WNT16: variants seen among roughly 807,000 people sequenced by gnomAD.
WNT16 encodes the protein protein Wnt-16.
WNT16 carries 20 observed loss-of-function variants against 35.4 expected under a neutral mutation model. The observed-to-expected ratio is 0.56, with a 90% CI of 0.40 to 0.82. The LOEUF is 0.82. Ranked by LOEUF, WNT16 falls within the 40% of genes least tolerant of loss-of-function variation. The probability of loss-of-function intolerance (pLI) is 0.00; values close to 1 mark genes in which losing one functional copy is unlikely to be tolerated. For missense variants in WNT16, 461 were observed against 466.0 expected (o/e 0.99, Z 0.10); for synonymous variants, 180 against 179.2 (o/e 1.00, Z -0.03).
At position 121,331,847 on chromosome 7, in the gene WNT16, C is replaced by A. The variant is rs1793354565; in HGVS notation, c.516C>A (p.Val172=). 6.2e-7 allele frequency: 1 copy of A among 1,614,026 alleles called. No individual in the cohort carries two copies. The highest frequency in any genetic ancestry group is 1.3e-5 in the African/African-American group (1 of 74,896). The change falls in exon 3 of 4, where the codon GTC becomes GTA. Residue 172 remains valine, a synonymous_variant. Transcript: ENST00000222462. ...GWHWGGCSDD[V]QYGMWFSRKF... ...ACTGGGGGGGCTGCTCCGATGATGT[C>A]CAGTATGGCATGTGGTTCAGCAGAA... is the stretch of plus-strand genomic sequence containing the variant.
At chr7:121,332,246 G>GTT (rs1412594822) in intron 3 of WNT16, among the ~76,000 whole-genome samples, 1 of 151,994 alleles carries the variant, frequency 6.6e-6, no homozygotes, top group African/African-American at 2.4e-5. Context: ...ACGTGTGTGT[G>GTT]TGTGTGTATA....
chr7:121,340,500 T>C lies in WNT16; in HGVS notation c.*1155T>C, dbSNP rs935184504. The C allele has an allele frequency of 2.0e-5, 3 of 152,078 alleles. No individual in the cohort carries two copies. Among genetic ancestry groups the C allele is most frequent in the Non-Finnish European group, 4.4e-5 (3 of 67,946 alleles). The allele number at this position is 152,078 out of a possible 1,614,324, so 9.4% of individuals were successfully genotyped here. On this transcript the variant is annotated 3_prime_UTR_variant, in exon 4 of 4. Transcript: ENST00000222462. ...ATTTCTTGCTAAAATGACAGTTTTA[T>C]ATGTTATAGATTAAAATATGTTGCA...
chr7:121,339,361 T>C lies in WNT16; in HGVS notation c.*16T>C. The C allele has an allele frequency of 6.2e-7, 1 of 1,601,938 alleles. No individual in the cohort carries two copies. The highest frequency in any genetic ancestry group is 8.5e-7 in the Non-Finnish European group (1 of 1,175,300). On this transcript the variant is annotated 3_prime_UTR_variant, in exon 4 of 4. Transcript: ENST00000222462. ...TTGCAAGTAACCACTCCATCCAGCC[T>C]TGGGCAAGATGCCTCAGCAATATAC...
In WNT16 at chr7:121,339,052, A is replaced by T. The variant is rs752130589; in HGVS notation, c.805A>T (p.Arg269Trp). The change falls in exon 4 of 4, where the codon AGG (arginine) becomes TGG (tryptophan). Residue 269 changes from arginine to tryptophan, a missense_variant. Transcript: ENST00000222462. ...ISDKTKRKMR[R>W]REKDQRKIPI... Reference sequence around the variant, plus strand: ...AGACAAAACAAAGAGGAAAATGCGCAGGAGAGAAAAAGATCAGAGGAAAAT... The same window carrying T: ...AGACAAAACAAAGAGGAAAATGCGCTGGAGAGAAAAAGATCAGAGGAAAAT... The T allele has an allele frequency of 2.5e-6, 4 of 1,614,094 alleles. No individual in the cohort carries two copies. The highest frequency in any genetic ancestry group is 3.4e-6 in the Non-Finnish European group (4 of 1,180,034).
intron 3 of WNT16, among the ~76,000 whole-genome samples, chr7:121,336,465 A>G (rs138464256): frequency 5.9e-5 from 9 of 152,200 alleles, no homozygotes; most frequent in Non-Finnish European, 8.8e-5. Flanking sequence ...TATAATTTCA[A>G]TACAAATTCA....
In WNT16 at chr7:121,329,375, A is replaced by T; in HGVS notation, c.83A>T (p.Gln28Leu). Residue 28 changes from glutamine to leucine, a missense_variant, in exon 1 of 4, where the codon CAA becomes CTA. By Grantham distance (113) the Gln-to-Leu change is moderately radical. Coordinates refer to ENST00000222462, the MANE Select transcript of WNT16 (RefSeq NM_057168.2). ...ALLVLFPYGAQGNWMWLGIAS... is the reference protein window; with the variant it reads ...ALLVLFPYGALGNWMWLGIAS... ...CTCGTGCTGTTCCCCTACGGAGCCC[A>T]AGGAAACTGGATGTGAGTATGGAGG... The T allele has an allele frequency of 6.2e-7, 1 of 1,611,806 alleles. No homozygotes were observed. The highest frequency in any genetic ancestry group is 8.5e-7 in the Non-Finnish European group (1 of 1,178,844).
Position 121,339,263 on chromosome 7 carries a change from G to A in WNT16, c.1016G>A (p.Arg339Lys). ...YNTHVVRHVE[R>K]CECKFIWCCY... ...ACCCATGTGGTCAGGCACGTGGAGA[G>A]GTGTGAGTGTAAGTTCATCTGGTGC... is the stretch of plus-strand genomic sequence containing the variant. The change falls in exon 4 of 4, where the codon AGG becomes AAG. Residue 339 changes from arginine (R) to lysine (K), a missense_variant. Arg to Lys is a conservative substitution (Grantham distance 26). Coordinates refer to ENST00000222462, the MANE Select transcript of WNT16 (RefSeq NM_057168.2). 5 of 1,614,178 alleles carry A rather than the reference G, an allele frequency of 3.1e-6. No individual in the cohort carries two copies. The highest frequency in any genetic ancestry group is 1.3e-5 in the African/African-American group (1 of 75,054).
In WNT16 at chr7:121,329,691, G is replaced by C. The variant is rs773495451; in HGVS notation, c.220G>C (p.Ala74Pro). ...CCTGCTGCCGAGCATCCGAGAGGGCGCCCGGCTGGGCATTCAGGAGTGCGG... is the reference window on the plus strand; with the variant it reads ...CCTGCTGCCGAGCATCCGAGAGGGCCCCCGGCTGGGCATTCAGGAGTGCGG... ...PYLLPSIREG[A>P]RLGIQECGSQ... The change falls in exon 2 of 4, where the codon GCC (alanine) becomes CCC (proline). Residue 74 changes from alanine to proline, a missense_variant. Transcript: ENST00000222462. The C allele has an allele frequency of 6.2e-7, 1 of 1,613,736 alleles. No homozygotes were observed.
chr7:121,331,783 C>T lies in WNT16; in HGVS notation c.452C>T (p.Thr151Ile). 1 of 1,614,210 alleles carries T rather than the reference C, an allele frequency of 6.2e-7. No homozygotes were observed. Among genetic ancestry groups the T allele is most frequent in the East Asian group, 2.2e-5 (1 of 44,886 alleles). ...AACATGACAGAGTGTTCCTGTGACA[C>T]CACCTTGCAGAACGGCGGCTCAGCA... ...AGNMTECSCD[T>I]TLQNGGSASE... is the part of the protein sequence containing the mutation. Residue 151 changes from threonine (T) to isoleucine (I), a missense_variant, in exon 3 of 4, where the codon ACC becomes ATC. Thr to Ile is a moderately conservative substitution (Grantham distance 89). Transcript: ENST00000222462.
upstream of WNT16, chr7:121,328,896 A>G: frequency 2.6e-6 from 1 of 390,166 alleles, no homozygotes; most frequent in East Asian, 1.3e-4. Flanking sequence ...TGAGGTCCCG[A>G]GATGATGAGA....
intron 2 of WNT16, among the ~76,000 whole-genome samples, chr7:121,331,077 A>G (rs1174418644): frequency 6.6e-6 from 1 of 152,248 alleles, no homozygotes; most frequent in Non-Finnish European, 1.5e-5. Context: ...AGCTAATACT[A>G]TATAAAATGT....
chr7:121,338,821 T>G, intron 3 of WNT16, 60 bp from the exon 4 acceptor site: 1 of 1,413,374 alleles, frequency 7.1e-7, no homozygotes, highest in East Asian at 2.3e-5. Context: ...TAACTGTGCT[T>G]CTGTTGTTGA....
chr7:121,334,282 A>G (rs1562876488), intron 3 of WNT16, among the ~76,000 whole-genome samples: 1 of 151,932 alleles, frequency 6.6e-6, no homozygotes, highest in Admixed American at 6.6e-5. Flanking sequence ...ATTAGAAAAC[A>G]TTTTCCTGGT....
chr7:121,339,566 T>A lies in WNT16; in HGVS notation c.*221T>A, dbSNP rs1793500665. On this transcript the variant is annotated 3_prime_UTR_variant, in exon 4 of 4. Coordinates refer to ENST00000222462, the MANE Select transcript of WNT16 (RefSeq NM_057168.2). ...TTGGGATTCTAATGTTGAAAAGGTT[T>A]ATATTCACCTTTTGATGATTTGGGG... 2 of 523,050 alleles carry A rather than the reference T, an allele frequency of 3.8e-6. No homozygotes were observed. The highest frequency in any genetic ancestry group is 1.9e-5 in the African/African-American group (1 of 53,256). The allele number at this position is 523,050 out of a possible 1,614,324, so 32.4% of individuals were successfully genotyped here.
At position 121,329,340 on chromosome 7, in the gene WNT16, G is replaced by C. The variant is rs540219115; in HGVS notation, c.48G>C (p.Trp16Cys). Residue 16 changes from tryptophan (W) to cysteine (C), a missense_variant, in exon 1 of 4, where the codon TGG (tryptophan) becomes TGC (cysteine). Transcript: ENST00000222462. Reference protein sequence around the residue: ...LLGLARLCALWAALLVLFPYG... With the variant: ...LLGLARLCALCAALLVLFPYG... ...GACTGGCCCGCTTGTGCGCGCTGTG[G>C]GCAGCCCTGCTCGTGCTGTTCCCCT... The C allele has an allele frequency of 1.2e-6, 2 of 1,603,628 alleles. No homozygotes were observed. Among genetic ancestry groups the C allele is most frequent in the Non-Finnish European group, 1.7e-6 (2 of 1,175,210 alleles).
At chr7:121,338,252 C>A (rs866653419) in intron 3 of WNT16, among the ~76,000 whole-genome samples, 2 of 152,178 alleles carry the variant, frequency 1.3e-5, no homozygotes, top group African/African-American at 4.8e-5. Context: ...CACCCCACCC[C>A]CTGCCCGACC....
upstream of WNT16, among the ~76,000 whole-genome samples, chr7:121,327,060 G>T (rs553792437): frequency 6.6e-6 from 1 of 152,158 alleles, no homozygotes. Context: ...CAATGAATCC[G>T]CCATTGTCCC....
At chr7:121,327,224 G>C (rs1382977387), upstream of WNT16, among the ~76,000 whole-genome samples, 1 of 152,102 alleles carries the variant, frequency 6.6e-6, no homozygotes, top group Non-Finnish European at 1.5e-5. Context: ...TTAGAACCTG[G>C]TACATAGTGT....
In WNT16 at chr7:121,329,127, G is replaced by A; in HGVS notation, c.-166G>A. 1 of 1,377,798 alleles carries A rather than the reference G, an allele frequency of 7.3e-7. No individual in the cohort carries two copies. The highest frequency in any genetic ancestry group is 9.4e-7 in the Non-Finnish European group (1 of 1,067,590). 85.3% of individuals were successfully genotyped at this position (1,377,798 alleles called of 1,614,324 possible). The stretch of plus-strand genomic sequence containing the variant: ...CCTACAGCTCCCTGCAAACGAGGGG[G>A]AAGCTGCTGAGAGTCCCTATCACTG... On this transcript the variant is annotated 5_prime_UTR_variant, in exon 1 of 4. Coordinates refer to ENST00000222462, the MANE Select transcript of WNT16 (RefSeq NM_057168.2).
Sources: allele counts gnomAD v4.1 joint callset (sites outside exome capture counted in the v4.1 genomes callset), GRCh38; gene constraint gnomAD v4.1.1; transcripts MANE v1.5; gene names NCBI Gene and HGNC (gene_info 2026-07-23, HGNC 2026-07-21).